MTSS1: variants seen among roughly 807,000 people sequenced by gnomAD.
MTSS1 encodes MTSS I-BAR domain containing 1, also known as protein MTSS 1.
Under a neutral mutation model 79.0 loss-of-function variants are expected in MTSS1, and 18 were observed. The observed-to-expected ratio is 0.23, with a 90% confidence interval of 0.16 to 0.34. MTSS1 has a LOEUF of 0.34. Among genes scored for constraint, MTSS1 ranks in the 10% least tolerant of loss-of-function variants. The pLI is 1.00. For synonymous variants in MTSS1, 341 were observed against 368.6 expected, an observed-to-expected ratio of 0.93 and a Z score of 0.86; for missense variants, 815 against 986.2, an observed-to-expected ratio of 0.83 and a Z score of 2.33.
At chr8:124,676,299 G>A (rs1825277413) in intron 3 of MTSS1, among the ~76,000 whole-genome samples, 1 of 152,176 alleles carries the variant, frequency 6.6e-6, no homozygotes, top group African/African-American at 2.4e-5. Flanking sequence ...TCTTTAAAAA[G>A]TAAAGACACT....
intron 4 of MTSS1, among the ~76,000 whole-genome samples, chr8:124,590,783 A>G (rs905090105): frequency 2.0e-5 from 3 of 152,212 alleles, no homozygotes; most frequent in African/African-American, 7.2e-5. Context: ...GGATGCACAC[A>G]GGATACCAAG....
intron 3 of MTSS1, among the ~76,000 whole-genome samples, chr8:124,658,046 A>C (rs1052918151): frequency 3.9e-5 from 6 of 152,194 alleles, no homozygotes; most frequent in Non-Finnish European, 8.8e-5. Context: ...TATAGCAAGA[A>C]AGCAGCTGTC....
intron 3 of MTSS1, among the ~76,000 whole-genome samples, chr8:124,652,357 G>C (rs1450389573): frequency 6.6e-6 from 1 of 151,804 alleles, no homozygotes; most frequent in Admixed American, 6.6e-5. Context: ...GTAGAGACAG[G>C]GTTTCACCAT....
chr8:124,610,429 A>C (rs1322848472), intron 3 of MTSS1, among the ~76,000 whole-genome samples: 3 of 152,240 alleles, frequency 2.0e-5, no homozygotes, highest in Non-Finnish European at 4.4e-5. Flanking sequence ...ATCTGTTGCC[A>C]TGACAACAAT....
intron 11 of MTSS1, 67 bp downstream of exon 11, chr8:124,557,614 G>C: frequency 7.0e-7 from 1 of 1,421,666 alleles, no homozygotes; most frequent in Admixed American, 2.0e-5. Flanking sequence ...GGGTGAGGGG[G>C]TTGGAACAGA....
chr8:124,707,848 C>T (rs990398644), intron 1 of MTSS1, among the ~76,000 whole-genome samples: 2 of 152,182 alleles, frequency 1.3e-5, no homozygotes, highest in African/African-American at 4.8e-5. Context: ...CGCACTCCAG[C>T]CTGGGCAACA....
chr8:124,563,170 A>G (rs1005461622), intron 9 of MTSS1, among the ~76,000 whole-genome samples, 178 bp from the exon 10 acceptor site: 2 of 152,200 alleles, frequency 1.3e-5, no homozygotes, highest in Admixed American at 6.5e-5. Flanking sequence ...TTTTCAAAAC[A>G]CCAAATCATG....
At chr8:124,644,621 C>T (rs1818667499) in intron 3 of MTSS1, among the ~76,000 whole-genome samples, 1 of 152,168 alleles carries the variant, frequency 6.6e-6, no homozygotes, top group Non-Finnish European at 1.5e-5. Flanking sequence ...AAATATTTAC[C>T]TGCTCTCTCC....
At chr8:124,685,689 C>G (rs912216263) in intron 3 of MTSS1, among the ~76,000 whole-genome samples, 2 of 152,178 alleles carry the variant, frequency 1.3e-5, no homozygotes, top group African/African-American at 2.4e-5. Context: ...TTCAAGACAC[C>G]ATTCATCCCC....
At chr8:124,638,911 T>C (rs1587492511) in intron 3 of MTSS1, among the ~76,000 whole-genome samples, 1 of 152,312 alleles carries the variant, frequency 6.6e-6, no homozygotes, top group East Asian at 1.9e-4. Context: ...GGTAAAGAAT[T>C]TTAACTAACT....
chr8:124,682,994 G>A (rs537882751), intron 3 of MTSS1, among the ~76,000 whole-genome samples: 2 of 152,106 alleles, frequency 1.3e-5, no homozygotes, highest in South Asian at 4.2e-4. Flanking sequence ...GGTCATCCCA[G>A]CCCTTCCTTC....
chr8:124,592,552 T>G (rs930235090), intron 3 of MTSS1, among the ~76,000 whole-genome samples: 17 of 152,238 alleles, frequency 1.1e-4, no homozygotes, highest in Admixed American at 7.2e-4. Context: ...GTGCCCTCTC[T>G]TCTAGAAATC....
intron 3 of MTSS1, among the ~76,000 whole-genome samples, chr8:124,678,026 A>G (rs975124794): frequency 6.6e-6 from 1 of 152,194 alleles, no homozygotes; most frequent in Non-Finnish European, 1.5e-5. Flanking sequence ...ACATCAAAAT[A>G]TATCTTTTCC....
intron 3 of MTSS1, among the ~76,000 whole-genome samples, chr8:124,657,475 CAAA>C (rs58258455): frequency 9.3e-5 from 10 of 106,964 alleles, no homozygotes; most frequent in Admixed American, 2.0e-4. Flanking sequence ...GCAGAGTCAG[CAAA>C]AAAAAAAAAA....
In MTSS1 at chr8:124,589,609, C is replaced by T. The variant is rs201809107; in HGVS notation, c.385+11G>A. On this transcript the variant is annotated intron_variant, in intron 5 of 13. Transcript: ENST00000518547. ...GCGTGCAGTGATGCGCTAGACATCT[C>T]GCCCCTGTACCTTTTGCGTGGTCTT... is the stretch of plus-strand genomic sequence containing the variant. 1.4e-4 allele frequency: 227 copies of T among 1,606,830 alleles called. 1 individual carries two copies. Among genetic ancestry groups the T allele is most frequent in the African/African-American group, 1.3e-3 (99 of 74,574 alleles).
Position 124,553,762 on chromosome 8 carries a change from G to A in MTSS1, c.1568-70C>T. 1 of 1,390,288 alleles carries A rather than the reference G, an allele frequency of 7.2e-7. No homozygotes were observed. The highest frequency in any genetic ancestry group is 9.8e-7 in the Non-Finnish European group (1 of 1,017,962). The allele number at this position is 1,390,288 out of a possible 1,614,324, so 86.1% of individuals were successfully genotyped here. A position where few individuals can be genotyped will look rare whatever the true frequency, so the allele number is the denominator to read the frequency against. ...CTTTTTTGATTCTTCTGGGCTGGGA[G>A]GACAAAAGGCACGCAAGGCAGGGTA... On this transcript the variant is annotated intron_variant, in intron 13 of 13. Coordinates refer to ENST00000518547, the MANE Select transcript of MTSS1 (RefSeq NM_014751.6). This position sits in a 1 kb window ranked among gnomAD's most constrained non-coding sequence, Gnocchi z 6.0.
At chr8:124,723,148 T>C (rs1475344597) in intron 1 of MTSS1, among the ~76,000 whole-genome samples, 1 of 152,176 alleles carries the variant, frequency 6.6e-6, no homozygotes, top group African/African-American at 2.4e-5. Flanking sequence ...TGAGAACACA[T>C]AGCACACAGG....
intron 3 of MTSS1, among the ~76,000 whole-genome samples, chr8:124,688,237 T>C (rs1471362746): frequency 6.6e-6 from 1 of 151,890 alleles, no homozygotes; most frequent in Non-Finnish European, 1.5e-5. Flanking sequence ...GTGTATGTTG[T>C]GTATGTTGTG....
Position 124,589,723 on chromosome 8 carries a change from C to CA in MTSS1, c.294-13_294-12insT, listed in dbSNP as rs1554656945. 5,646 of 1,575,134 alleles carry CA rather than the reference C, an allele frequency of 3.6e-3. 180 individuals carry two copies. In the African/African-American group the frequency reaches 0.066, roughly 19 times the overall value. On this transcript the variant is annotated splice_polypyrimidine_tract_variant and intron_variant, in intron 4 of 13. Transcript: ENST00000518547. ...AATCAATTAAAGCGCTTTTACCAAG[C>CA]GGGGGGGAAAAAGGGAGAAATTAAA... is the stretch of plus-strand genomic sequence containing the variant.
Sources: gnomAD v4.1 joint callset for allele counts (sites outside exome capture counted in the v4.1 genomes callset) on GRCh38, gnomAD v4.1.1 for gene constraint, Gnocchi (gnomAD v3.1) non-coding constraint, MANE v1.5 for transcripts, NCBI Gene and HGNC (gene_info 2026-07-23, HGNC 2026-07-21) for gene names.